The following CNTN5 variants were observed in gnomAD, a reference collection of about 807,000 sequenced individuals.
CNTN5 encodes the protein contactin 5.
CNTN5 carries 77 observed loss-of-function variants against 129.1 expected under a neutral mutation model. The ratio of observed to expected loss-of-function variants is 0.60; its 90% CI spans 0.50 to 0.72. The LOEUF (loss-of-function observed/expected upper bound fraction) is 0.72. CNTN5 is among the 30% of genes least tolerant of loss of function. CNTN5 has a pLI of 0.00. For synonymous variants in CNTN5, 509 were observed against 465.6 expected, an observed-to-expected ratio of 1.09 and a Z score of -1.20; for missense variants, 1,478 against 1,328.8, an observed-to-expected ratio of 1.11 and a Z score of -1.75.
intron 3 of CNTN5, among the ~76,000 whole-genome samples, chr11:99,631,049 A>G (rs1565368331): frequency 1.3e-5 from 2 of 152,244 alleles, no homozygotes; most frequent in African/African-American, 4.8e-5. Flanking sequence ...ACTTTTGCTA[A>G]TTTATCCTGC....
At chr11:100,164,142 C>G (rs1001726399) in intron 13 of CNTN5, among the ~76,000 whole-genome samples, 1 of 151,738 alleles carries the variant, frequency 6.6e-6, no homozygotes, top group African/African-American at 2.4e-5. Context: ...AATTTTAAAT[C>G]AAAAGCTTGA....
At chr11:100,327,165 T>G (rs1951806118) in intron 21 of CNTN5, among the ~76,000 whole-genome samples, 1 of 152,352 alleles carries the variant, frequency 6.6e-6, no homozygotes, top group Middle Eastern at 3.4e-3. Context: ...AACCTAATTG[T>G]GCCACAGGCA....
At chr11:100,306,935 G>T (rs1951363236) in intron 20 of CNTN5, among the ~76,000 whole-genome samples, 1 of 151,624 alleles carries the variant, frequency 6.6e-6, no homozygotes, top group East Asian at 1.9e-4. Flanking sequence ...ATGTGAATTT[G>T]CCAAAGCACT....
At chr11:100,276,602 T>C (rs926048664) in intron 18 of CNTN5, among the ~76,000 whole-genome samples, 1 of 150,226 alleles carries the variant, frequency 6.7e-6, no homozygotes, top group Non-Finnish European at 1.5e-5. Flanking sequence ...ATTGGTTCAG[T>C]CCAATTTCTT....
intron 9 of CNTN5, among the ~76,000 whole-genome samples, chr11:100,050,416 A>C (rs1267645611): frequency 1.3e-5 from 2 of 151,352 alleles, no homozygotes; most frequent in African/African-American, 4.8e-5. Context: ...ATAGGTGGGA[A>C]TTGAACAATG....
intron 1 of CNTN5, among the ~76,000 whole-genome samples, chr11:99,265,790 T>C (rs57802128): frequency 0.017 from 2,587 of 152,156 alleles, 85 homozygotes; most frequent in African/African-American, 0.059. Flanking sequence ...ATTTTACTAT[T>C]TATTGAATGA....
At chr11:99,047,553 C>T (rs1864264167) in intron 1 of CNTN5, among the ~76,000 whole-genome samples, 1 of 151,950 alleles carries the variant, frequency 6.6e-6, no homozygotes, top group East Asian at 1.9e-4. Context: ...CATTTTGTTA[C>T]AATAATCATG....
At chr11:100,239,097 C>T (rs1042174963) in intron 16 of CNTN5, among the ~76,000 whole-genome samples, 4 of 152,088 alleles carry the variant, frequency 2.6e-5, no homozygotes, top group Non-Finnish European at 4.4e-5. Flanking sequence ...ATCTTGCATT[C>T]GTTTCCTGAA....
intron 1 of CNTN5, among the ~76,000 whole-genome samples, chr11:99,159,593 G>A (rs551096542): frequency 6.6e-6 from 1 of 152,322 alleles, no homozygotes; most frequent in Non-Finnish European, 1.5e-5. Context: ...CTGCACTCCA[G>A]CCTGGGCAAC....
intron 18 of CNTN5, among the ~76,000 whole-genome samples, chr11:100,275,098 A>AT (rs1950481437): frequency 6.6e-6 from 1 of 151,580 alleles, no homozygotes; most frequent in Admixed American, 6.6e-5. Context: ...TAAACAACCA[A>AT]AAAAAAAAGG....
intron 1 of CNTN5, among the ~76,000 whole-genome samples, chr11:99,306,980 C>A (rs185809220): frequency 6.6e-6 from 1 of 152,134 alleles, no homozygotes; most frequent in Admixed American, 6.5e-5. Context: ...TTCCCATTCT[C>A]CACTGGTGTG....
chr11:99,809,983 C>T (rs965059452), intron 3 of CNTN5, among the ~76,000 whole-genome samples: 2 of 151,994 alleles, frequency 1.3e-5, no homozygotes, highest in Admixed American at 6.6e-5. Context: ...TTGCTAATTT[C>T]CTCAGTGATT....
At chr11:99,257,605 A>G (rs1862432945) in intron 1 of CNTN5, among the ~76,000 whole-genome samples, 1 of 152,024 alleles carries the variant, frequency 6.6e-6, no homozygotes, top group Non-Finnish European at 1.5e-5. Flanking sequence ...TGAAATGGTT[A>G]CGCTTTGGAT....
At chr11:99,540,273 C>T (rs1043530719) in intron 2 of CNTN5, among the ~76,000 whole-genome samples, 4 of 151,882 alleles carry the variant, frequency 2.6e-5, no homozygotes, top group Non-Finnish European at 4.4e-5. Flanking sequence ...AAAGAAAGAA[C>T]GAAAAAGTGC....
At chr11:99,828,688 T>A (rs1397664437) in intron 4 of CNTN5, among the ~76,000 whole-genome samples, 1 of 152,182 alleles carries the variant, frequency 6.6e-6, no homozygotes, top group Non-Finnish European at 1.5e-5. Context: ...TTATCCAAAT[T>A]TAAGTAAGAT....
rs1941411959 is a variant in CNTN5, at chr11:100,026,209, G to A, written c.980+24073G>A. Among the ~76,000 whole-genome samples, 6 of 151,772 alleles carry A rather than the reference G, an allele frequency of 4.0e-5. No individual in the cohort carries two copies. The South Asian group carries it at 1.3e-3, about 32-fold the overall frequency. On this transcript the variant is annotated intron_variant, in intron 9 of 24. Coordinates refer to ENST00000524871, the MANE Select transcript of CNTN5 (RefSeq NM_014361.4). ...TTATGAGATCTGAGGGTTTTATAAG[G>A]GGCTCTTCCCACTTTGCTCCACACT...
intron 2 of CNTN5, among the ~76,000 whole-genome samples, chr11:99,500,356 C>G (rs1354519561): frequency 6.6e-6 from 1 of 152,046 alleles, no homozygotes; most frequent in Non-Finnish European, 1.5e-5. Flanking sequence ...AGTTGTAAAG[C>G]TAACACATTT....
At chr11:99,944,510 C>T (rs1176086975) in intron 7 of CNTN5, among the ~76,000 whole-genome samples, 2 of 151,880 alleles carry the variant, frequency 1.3e-5, no homozygotes, top group Admixed American at 6.6e-5. Context: ...AAGTTCTGGC[C>T]AGGGCAATCA....
At chr11:99,832,001 C>T (rs1350187059) in intron 4 of CNTN5, among the ~76,000 whole-genome samples, 1 of 152,154 alleles carries the variant, frequency 6.6e-6, no homozygotes, top group East Asian at 1.9e-4. Flanking sequence ...TCCTTATCTT[C>T]AAGTTCCTTG....
Sources: gnomAD v4.1 joint callset for allele counts (sites outside exome capture counted in the v4.1 genomes callset) on GRCh38, gnomAD v4.1.1 for gene constraint, MANE v1.5 for transcripts, NCBI Gene and HGNC (gene_info 2026-07-23, HGNC 2026-07-21) for gene names.